ITFG2: variants seen among roughly 807,000 people sequenced by gnomAD.
ITFG2 encodes KICSTOR complex protein ITFG2.
Under a neutral mutation model 54.4 loss-of-function variants are expected in ITFG2, and 36 were observed. The observed-to-expected ratio is 0.66, with a 90% confidence interval of 0.51 to 0.87. The LOEUF (loss-of-function observed/expected upper bound fraction) is 0.87. Among genes scored for constraint, ITFG2 ranks in the 40% least tolerant of loss-of-function variants. The probability of loss-of-function intolerance (pLI) is 0.00; values close to 1 mark genes in which losing one functional copy is unlikely to be tolerated. For missense variants in ITFG2, 524 were observed against 576.7 expected (o/e 0.91, Z 0.94); for synonymous variants, 211 against 225.4 (o/e 0.94, Z 0.57).
chr12:2,854,517 T>C (rs1011780232), intron 2 of ITFG2, among the ~76,000 whole-genome samples: 3 of 152,212 alleles, frequency 2.0e-5, no homozygotes, highest in African/African-American at 7.2e-5. Flanking sequence ...ACTCCAGTTC[T>C]TTACATTAAT....
intron 2 of ITFG2, among the ~76,000 whole-genome samples, chr12:2,854,196 T>C (rs903863396): frequency 6.6e-6 from 1 of 151,964 alleles, no homozygotes; most frequent in East Asian, 1.9e-4. Context: ...CGGCTAATTT[T>C]GTATTTTTAG....
At chr12:2,827,488 A>T (rs2097974202), downstream of ITFG2, 2 of 1,545,694 alleles carry the variant, frequency 1.3e-6, no homozygotes, top group East Asian at 4.5e-5. The surrounding 1 kb of genome is among the most constrained non-coding windows in gnomAD (Gnocchi z 4.0). Flanking sequence ...GGTGGTAAGT[A>T]AGGAACCTCT....
chr12:2,819,082 A>G (rs1402334033), intron 4 of ITFG2, among the ~76,000 whole-genome samples: 1 of 151,802 alleles, frequency 6.6e-6, no homozygotes, highest in Non-Finnish European at 1.5e-5. Context: ...CTTCGAGAGC[A>G]CTTTGAGAGG....
chr12:2,819,339 G>T (rs1187100165), intron 4 of ITFG2, among the ~76,000 whole-genome samples: 1 of 152,098 alleles, frequency 6.6e-6, no homozygotes, highest in Non-Finnish European at 1.5e-5. Context: ...ATGGTGGTGG[G>T]CACCTGTAGT....
chr12:2,821,477 C>T, intron 7 of ITFG2, 66 bp from the exon 8 acceptor site: 3 of 1,578,724 alleles, frequency 1.9e-6, no homozygotes, highest in Non-Finnish European at 2.6e-6. Flanking sequence ...TGCTGCAGAA[C>T]ACCCCTCTCC....
chr12:2,821,571 C>T lies in ITFG2; in HGVS notation c.822C>T (p.Gly274=). 1 of 1,614,224 alleles carries T rather than the reference C, an allele frequency of 6.2e-7. No individual in the cohort carries two copies. The highest frequency in any genetic ancestry group is 8.5e-7 in the Non-Finnish European group (1 of 1,180,046). Residue 274 remains glycine (G), a synonymous_variant, in exon 8 of 12, where the codon GGC becomes GGT. Transcript: ENST00000228799. ...ACGGCACTGAGAGTAGTGGCTCTGG[C>T]CTCTTTGCCCTGTGCACCCTGGATG... ...QGHGTESSGS[G]LFALCTLDGT... is the part of the protein sequence containing the mutation.
rs2097958514 is a variant in ITFG2 at position 2,824,722 on chromosome 12, C to G, written c.*529C>G. ...TGGTCTTACCCATGTTCCTAGCAAC[C>G]CTGAGATGATTTTCTTCCATTTACC... On this transcript the variant is annotated 3_prime_UTR_variant, in exon 12 of 12. Transcript: ENST00000228799. 6.4e-6 allele frequency: 1 copy of G among 157,254 alleles called. No individual in the cohort carries two copies. Among genetic ancestry groups the G allele is most frequent in the South Asian group, 1.9e-4 (1 of 5,304 alleles). The allele number at this position is 157,254 out of a possible 1,614,324, so 9.7% of individuals were successfully genotyped here.
chr12:2,833,676 C>G (rs2098014279), upstream of ITFG2, among the ~76,000 whole-genome samples: 1 of 152,120 alleles, frequency 6.6e-6, no homozygotes, highest in African/African-American at 2.4e-5. Flanking sequence ...TCCTCTCTTC[C>G]ACGGGTCAGA....
rs200395681 is a variant in ITFG2, at chr12:2,848,879, A to G, written n.300+7884A>G. Reference sequence around the variant, plus strand: ...CCCACCCCAACAGACACACACACGCACACACACACACACACACACACACAC... The same window carrying G: ...CCCACCCCAACAGACACACACACGCGCACACACACACACACACACACACAC... On this transcript the variant is annotated intron_variant and non_coding_transcript_variant, in intron 2 of 3. Coordinates refer to the ITFG2 transcript ENST00000537710. Among the ~76,000 whole-genome samples the G allele has an allele frequency of 6.6e-4, 72 of 109,876 alleles. No individual in the cohort carries two copies. In the Middle Eastern group the frequency reaches 0.02, roughly 30 times the overall value. 72.1% of individuals were successfully genotyped at this position (109,876 alleles called of 152,430 possible). A position where few individuals can be genotyped will look rare whatever the true frequency, so the allele number is the denominator to read the frequency against.
chr12:2,825,214 A>G (rs1253051806), downstream of ITFG2: 1 of 152,242 alleles, frequency 6.6e-6, no homozygotes, highest in Non-Finnish European at 1.5e-5. Flanking sequence ...ATTCCTCTCA[A>G]TTATACTGAC....
At chr12:2,837,204 G>A (rs1355456054) in intron 1 of ITFG2, among the ~76,000 whole-genome samples, 1 of 151,738 alleles carries the variant, frequency 6.6e-6, no homozygotes, top group East Asian at 1.9e-4. Flanking sequence ...ATGGCCGGGC[G>A]CGGTGGCTCA....
intron 3 of ITFG2, chr12:2,859,048 G>A: frequency 6.2e-7 from 1 of 1,609,056 alleles, no homozygotes; most frequent in Non-Finnish European, 8.5e-7. Flanking sequence ...TTGGCTGGGG[G>A]CGTGAGCCTC....
chr12:2,835,315 G>A (rs557286101), upstream of ITFG2, among the ~76,000 whole-genome samples: 6 of 152,270 alleles, frequency 3.9e-5, no homozygotes, highest in East Asian at 5.8e-4. Flanking sequence ...ACCTCCCAGC[G>A]TGTGTGGCCC....
chr12:2,830,962 C>T (rs531253806), downstream of ITFG2: 72 of 1,292,492 alleles, frequency 5.6e-5, no homozygotes, highest in Non-Finnish European at 7.1e-5. Flanking sequence ...CCCCCACCCC[C>T]CCAGCCCTGA....
intron 2 of ITFG2, among the ~76,000 whole-genome samples, chr12:2,851,772 G>A (rs143666680): frequency 0.01 from 1,544 of 151,982 alleles, 23 homozygotes; most frequent in African/African-American, 0.035. Flanking sequence ...TCCACCTCCC[G>A]GGTTCAAGTG....
chr12:2,817,264 T>C lies in ITFG2; in HGVS notation c.138T>C (p.Ser46=). The C allele has an allele frequency of 1.9e-6, 3 of 1,614,050 alleles. No homozygotes were observed. Among genetic ancestry groups the C allele is most frequent in the Non-Finnish European group, 2.5e-6 (3 of 1,179,966 alleles). Residue 46 remains serine (S), a synonymous_variant, in exon 2 of 12, where the codon TCT becomes TCC. Coordinates refer to ENST00000228799, the MANE Select transcript of ITFG2 (RefSeq NM_018463.4). ...TGGGAGACACCAGCGGGAAGGTGTC[T>C]GTGTATAAAAATGATGACAGTCGGC... is the stretch of plus-strand genomic sequence containing the variant. ...LVVGDTSGKV[S]VYKNDDSRPW... is the part of the protein sequence containing the mutation.
intron 2 of ITFG2, chr12:2,855,038 CA>C (rs2098082876): frequency 6.5e-7 from 1 of 1,536,100 alleles, no homozygotes; most frequent in South Asian, 1.2e-5. Flanking sequence ...TTCATGTCCA[CA>C]AACGTGGGAT....
rs368815825 is a variant in ITFG2, at chr12:2,818,151, G to T, written c.280G>T (p.Asp94Tyr). The T allele has an allele frequency of 2.7e-5, 43 of 1,614,014 alleles. No homozygotes were observed. The highest frequency in any genetic ancestry group is 3.6e-5 in the Non-Finnish European group (42 of 1,180,052). Residue 94 changes from aspartate to tyrosine, a missense_variant, in exon 4 of 12, where the codon GAC becomes TAC. Transcript: ENST00000228799. ...TGCTGAAGGCTGGTTTCATTTGTTT[G>T]ACCTGACACCTGCCAAGGTGTTGGA... Reference protein sequence around the residue: ...VSAEGWFHLFDLTPAKVLDAS... With the variant: ...VSAEGWFHLFYLTPAKVLDAS...
At position 2,818,403 on chromosome 12, in the gene ITFG2, C is replaced by T. The variant is rs150644442; in HGVS notation, c.406+126C>T. On this transcript the variant is annotated intron_variant, in intron 4 of 11. Transcript: ENST00000228799. ...GTATGCATTTGTTATGTGCTGAGCT[C>T]CCATGATAAGCCAGGCATCACTCAA... The T allele has an allele frequency of 2.0e-6, 3 of 1,514,514 alleles. No homozygotes were observed. The East Asian group carries it at 7.4e-5, about 37-fold the overall frequency. 93.8% of individuals were successfully genotyped at this position (1,514,514 alleles called of 1,614,324 possible).
Sources: allele counts gnomAD v4.1 joint callset (sites outside exome capture counted in the v4.1 genomes callset), GRCh38; gene constraint gnomAD v4.1.1; non-coding constraint Gnocchi (gnomAD v3.1); transcripts MANE v1.5; gene names NCBI Gene and HGNC (gene_info 2026-07-23, HGNC 2026-07-21).